The following PSD3 variants were observed in gnomAD, a reference collection of about 807,000 sequenced individuals.
The protein encoded by PSD3 is PH and SEC7 domain-containing protein 3.
In PSD3, 49 loss-of-function variants were observed where a neutral mutation model predicts 105.5. The ratio of observed to expected loss-of-function variants is 0.46; its 90% confidence interval spans 0.37 to 0.59. The LOEUF (loss-of-function observed/expected upper bound fraction) is 0.59. Among genes scored for constraint, PSD3 ranks in the 20% least tolerant of loss-of-function variants. The pLI is 0.00. For missense variants in PSD3, 1,561 were observed against 1,263.8 expected (o/e 1.24, Z -3.57); for synonymous variants, 557 against 457.8 (o/e 1.22, Z -2.77).
At chr8:18,757,761 T>C (rs1343763714) in intron 9 of PSD3, among the ~76,000 whole-genome samples, 1 of 152,162 alleles carries the variant, frequency 6.6e-6, no homozygotes, top group Non-Finnish European at 1.5e-5. Flanking sequence ...ACAATAAACA[T>C]AGGATCATGT....
chr8:18,730,995 T>C (rs1014592234), intron 9 of PSD3, among the ~76,000 whole-genome samples: 5 of 152,148 alleles, frequency 3.3e-5, no homozygotes, highest in African/African-American at 9.7e-5. Flanking sequence ...CTAAAAGTCA[T>C]TCCAATCTGT....
At chr8:18,808,929 C>CG in intron 4 of PSD3, 1 of 1,479,078 alleles carries the variant, frequency 6.8e-7, no homozygotes, top group Non-Finnish European at 8.9e-7. Context: ...TATGACCTCA[C>CG]ATTCTCAGCC....
chr8:18,589,141 C>T (rs1204228012), intron 12 of PSD3, among the ~76,000 whole-genome samples: 7 of 152,154 alleles, frequency 4.6e-5, no homozygotes, highest in Non-Finnish European at 7.4e-5. Flanking sequence ...CCAGCATGTA[C>T]ACACATGCTG....
Position 18,533,496 on chromosome 8 carries a change from G to A in PSD3, c.*2247C>T, listed in dbSNP as rs190716363. The A allele has an allele frequency of 2.6e-5, 4 of 152,258 alleles. No homozygotes were observed. Among genetic ancestry groups the A allele is most frequent in the Admixed American group, 1.3e-4 (2 of 15,284 alleles). 9.4% of individuals were successfully genotyped at this position (152,258 alleles called of 1,614,324 possible). A position where few individuals can be genotyped will look rare whatever the true frequency, so the allele number is the denominator to read the frequency against. ...TGCTATAGTGGTGCTGATGCTAGCC[G>A]AGTATTTCAACACTACTCTAAATGT... On this transcript the variant is annotated 3_prime_UTR_variant, in exon 16 of 16. Coordinates refer to ENST00000327040, the MANE Select transcript of PSD3 (RefSeq NM_015310.4).
rs550072358 is a variant in PSD3 at position 18,632,462 on chromosome 8, T to A, written c.2410+151A>T. ...AAGAGCAGGTGCCACATTGGATTTT[T>A]AATTTAGGGTTAGAGGCTTTATCCA... On this transcript the variant is annotated intron_variant, in intron 11 of 15. Coordinates refer to ENST00000327040, the MANE Select transcript of PSD3 (RefSeq NM_015310.4). The A allele has an allele frequency of 7.4e-6, 6 of 808,138 alleles. No individual in the cohort carries two copies. The East Asian group carries it at 1.7e-4, about 22-fold the overall frequency. The allele number at this position is 808,138 out of a possible 1,614,324, so 50.1% of individuals were successfully genotyped here. A position where few individuals can be genotyped will look rare whatever the true frequency, so the allele number is the denominator to read the frequency against.
At chr8:18,612,056 C>G (rs1805306803) in intron 11 of PSD3, among the ~76,000 whole-genome samples, 1 of 152,058 alleles carries the variant, frequency 6.6e-6, no homozygotes, top group African/African-American at 2.4e-5. Flanking sequence ...TGATAACAAG[C>G]TGTAAAGAAG....
intron 1 of PSD3, among the ~76,000 whole-genome samples, chr8:18,943,775 C>A (rs1822699278): frequency 6.6e-6 from 1 of 152,096 alleles, no homozygotes; most frequent in South Asian, 2.1e-4. Context: ...GGACACCACA[C>A]ACTACTGAAG....
rs370893171 is a variant in PSD3 at position 18,774,277 on chromosome 8, A to G, written c.2083-8739T>C. On this transcript the variant is annotated intron_variant, in intron 8 of 15. Coordinates refer to ENST00000327040, the MANE Select transcript of PSD3 (RefSeq NM_015310.4). Reference sequence around the variant, plus strand: ...TAATAGCTACATATATTTTTAGAGTACATGTGATATCTTGATATATGTATA... The same window carrying G: ...TAATAGCTACATATATTTTTAGAGTGCATGTGATATCTTGATATATGTATA... Among the ~76,000 whole-genome samples the G allele has an allele frequency of 8.9e-4, 136 of 152,330 alleles. 1 individual carries two copies. Among genetic ancestry groups the G allele is most frequent in the African/African-American group, 3.1e-3 (130 of 41,580 alleles).
chr8:18,561,324 C>T lies in PSD3; in HGVS notation c.2785-4972G>A, dbSNP rs530464526. Among the ~76,000 whole-genome samples, 37 of 152,176 alleles carry T rather than the reference C, an allele frequency of 2.4e-4. No individual in the cohort carries two copies. In the South Asian group the frequency reaches 2.9e-3, roughly 12 times the overall value. ...AAAAAAGAGGAAATTCTGTCATTTGCGACAACATGGACAAACCTGGAGGAC... is the reference window on the plus strand; with the variant it reads ...AAAAAAGAGGAAATTCTGTCATTTGTGACAACATGGACAAACCTGGAGGAC... On this transcript the variant is annotated intron_variant, in intron 14 of 15. Transcript: ENST00000327040.
intron 9 of PSD3, among the ~76,000 whole-genome samples, chr8:18,754,348 C>A (rs1805852879): frequency 6.6e-6 from 1 of 152,150 alleles, no homozygotes; most frequent in Non-Finnish European, 1.5e-5. Flanking sequence ...CACGCCACTG[C>A]ATTCCAGCCT....
In PSD3 at chr8:18,528,752, A is replaced by G. The variant is rs1799524747; in HGVS notation, c.*6991T>C. On this transcript the variant is annotated 3_prime_UTR_variant, in exon 16 of 16. Coordinates refer to ENST00000327040, the MANE Select transcript of PSD3 (RefSeq NM_015310.4). ...CCTGAAGACTTATTTATGGCGACCG[A>G]TGGGAAAATATTAAGTGAAACTCCA... The G allele has an allele frequency of 6.6e-6, 1 of 152,640 alleles. No individual in the cohort carries two copies. Among genetic ancestry groups the G allele is most frequent in the Admixed American group, 6.5e-5 (1 of 15,278 alleles). 9.5% of individuals were successfully genotyped at this position (152,640 alleles called of 1,614,324 possible).
chr8:19,037,354 C>T (rs1827978644), intron 1 of PSD3, among the ~76,000 whole-genome samples: 1 of 152,248 alleles, frequency 6.6e-6, no homozygotes, highest in Non-Finnish European at 1.5e-5. Flanking sequence ...GCCTTTCAGA[C>T]ACCCTCCAAC....
intron 10 of PSD3, among the ~76,000 whole-genome samples, chr8:18,639,122 T>C (rs1001731991): frequency 3.9e-5 from 6 of 152,192 alleles, no homozygotes; most frequent in African/African-American, 1.4e-4. Flanking sequence ...TGTTATCAAG[T>C]CCCACTCTCT....
intron 7 of PSD3, among the ~76,000 whole-genome samples, chr8:18,799,905 C>A (rs1810532756): frequency 6.6e-6 from 1 of 152,140 alleles, no homozygotes; most frequent in Admixed American, 6.6e-5. Flanking sequence ...CAGTAAAAAT[C>A]TTTTCAATTT....
intron 6 of PSD3, 46 bp downstream of exon 6, chr8:18,804,476 T>G: frequency 6.8e-7 from 1 of 1,468,250 alleles, no homozygotes; most frequent in Non-Finnish European, 9.4e-7. Context: ...CTCTAAGAAC[T>G]AATCATTTGA....
intron 4 of PSD3, among the ~76,000 whole-genome samples, chr8:18,853,137 T>C: frequency 6.6e-6 from 1 of 152,144 alleles, no homozygotes; most frequent in East Asian, 1.9e-4. Flanking sequence ...CTCTTTGTCA[T>C]TTCTTATTAA....
chr8:18,676,442 G>T (rs550132791), intron 9 of PSD3, among the ~76,000 whole-genome samples: 1 of 151,992 alleles, frequency 6.6e-6, no homozygotes, highest in African/African-American at 2.4e-5. Flanking sequence ...TGCCATACCC[G>T]CTAACCCTGA....
intron 2 of PSD3, among the ~76,000 whole-genome samples, chr8:18,877,685 G>A (rs886322963): frequency 6.6e-6 from 1 of 151,614 alleles, no homozygotes; most frequent in South Asian, 2.1e-4. Context: ...GGGGCTATAC[G>A]CATGCACCAC....
At chr8:18,752,787 G>A (rs1359671931) in intron 9 of PSD3, among the ~76,000 whole-genome samples, 3 of 146,740 alleles carry the variant, frequency 2.0e-5, no homozygotes, top group African/African-American at 5.1e-5. Context: ...ACGATTTTGA[G>A]TATACATATT....
Sources: gnomAD v4.1 joint callset for allele counts (sites outside exome capture counted in the v4.1 genomes callset) on GRCh38, gnomAD v4.1.1 for gene constraint, MANE v1.5 for transcripts, NCBI Gene and HGNC (gene_info 2026-07-23, HGNC 2026-07-21) for gene names.